Variants in TXNDC11 observed in about 807,000 individuals in gnomAD.
TXNDC11 encodes thioredoxin domain containing 11.
Under a neutral mutation model 78.0 loss-of-function variants are expected in TXNDC11, and 68 were observed. The ratio of observed to expected loss-of-function variants is 0.87; its 90% CI spans 0.72 to 1.07. The LOEUF is 1.07. Among genes scored for constraint, TXNDC11 ranks in the 50% least tolerant of loss-of-function variants. TXNDC11 has a pLI of 0.00. For synonymous variants in TXNDC11, 571 were observed against 495.2 expected (o/e 1.15, Z -2.03); for missense variants, 1,389 against 1,221.8 (o/e 1.14, Z -2.04).
Position 11,698,141 on chromosome 16 carries a change from T to C in TXNDC11, c.1091A>G (p.His364Arg), listed in dbSNP as rs774450928. 6.2e-7 allele frequency: 1 copy of C among 1,614,226 alleles called. No homozygotes were observed. Among genetic ancestry groups the C allele is most frequent in the South Asian group, 1.1e-5 (1 of 91,082 alleles). ...AGCTCTTACCTCGTCTATTAAAGGA[T>C]GACTTTCGGCCAGGGGATTAAAAGG... ...FIPFNPLAES[H>R]PLIDEITEVA... Residue 364 changes from histidine (H) to arginine (R), a missense_variant, in exon 7 of 12, where the codon CAT (histidine) becomes CGT (arginine). Coordinates refer to ENST00000283033, the MANE Select transcript of TXNDC11 (RefSeq NM_015914.7).
intron 4 of TXNDC11, among the ~76,000 whole-genome samples, chr16:11,724,600 T>C (rs2051818241): frequency 1.3e-5 from 2 of 152,090 alleles, no homozygotes; most frequent in South Asian, 2.1e-4. Context: ...CTCATCTCTA[T>C]AAAATAAAAA....
At chr16:11,736,882 T>A (rs1211621471) in intron 1 of TXNDC11, among the ~76,000 whole-genome samples, 1 of 151,746 alleles carries the variant, frequency 6.6e-6, no homozygotes, top group African/African-American at 2.4e-5. Flanking sequence ...AAGAAACAGA[T>A]CAGGAGGAAA....
intron 9 of TXNDC11, 44 bp from the exon 10 acceptor site, chr16:11,688,010 G>T: frequency 7.1e-7 from 1 of 1,401,830 alleles, no homozygotes; most frequent in Non-Finnish European, 1.0e-6. Context: ...CGGGAAATGG[G>T]CTCTTCTTCA....
intron 6 of TXNDC11, among the ~76,000 whole-genome samples, chr16:11,699,604 G>T (rs943084378): frequency 6.6e-6 from 1 of 152,250 alleles, no homozygotes; most frequent in Non-Finnish European, 1.5e-5. Context: ...ACAGCATCTG[G>T]GCTACGAGAG....
At chr16:11,711,229 G>T (rs2051344944) in intron 5 of TXNDC11, among the ~76,000 whole-genome samples, 1 of 152,210 alleles carries the variant, frequency 6.6e-6, no homozygotes, top group African/African-American at 2.4e-5. Flanking sequence ...AACAGAGTAA[G>T]GGTGGAGTGA....
intron 4 of TXNDC11, among the ~76,000 whole-genome samples, chr16:11,724,041 C>A (rs957092115): frequency 6.6e-6 from 1 of 152,282 alleles, no homozygotes; most frequent in Non-Finnish European, 1.5e-5. Flanking sequence ...GCAGCACTCA[C>A]GCCTGTAATC....
chr16:11,699,006 T>C (rs916145952), intron 6 of TXNDC11, among the ~76,000 whole-genome samples: 5 of 152,242 alleles, frequency 3.3e-5, no homozygotes, highest in Non-Finnish European at 5.9e-5. Context: ...AAAATTATTT[T>C]TGAAATTCTA....
chr16:11,693,630 G>T (rs1041423275), intron 7 of TXNDC11, among the ~76,000 whole-genome samples: 3 of 152,150 alleles, frequency 2.0e-5, no homozygotes, highest in Non-Finnish European at 4.4e-5. Context: ...TGTTTCAATA[G>T]TTCTCGGCAT....
chr16:11,738,132 T>C (rs550062778), intron 1 of TXNDC11, among the ~76,000 whole-genome samples: 2 of 152,316 alleles, frequency 1.3e-5, no homozygotes, highest in East Asian at 3.9e-4. Flanking sequence ...CCTATTCATA[T>C]GTACTATAAC....
intron 6 of TXNDC11, 22 bp from the exon 7 acceptor site, chr16:11,698,347 A>G (rs2050916449): frequency 6.2e-7 from 1 of 1,608,220 alleles, no homozygotes; most frequent in Non-Finnish European, 8.5e-7. Context: ...AAAGGCACAG[A>G]GGATAAAGGA....
In TXNDC11 at chr16:11,700,454, G is replaced by A. The variant is rs1282045621; in HGVS notation, c.904C>T (p.Leu302Phe). 1.4e-6 allele frequency: 2 copies of A among 1,430,912 alleles called. No individual in the cohort carries two copies. The allele number at this position is 1,430,912 out of a possible 1,614,324, so 88.6% of individuals were successfully genotyped here. Residue 302 changes from leucine (L) to phenylalanine (F), a missense_variant and splice_region_variant, in exon 6 of 12, where the codon CTT becomes TTT. By Grantham distance (22) the Leu-to-Phe change is conservative (BLOSUM62 0). Coordinates refer to ENST00000283033, the MANE Select transcript of TXNDC11 (RefSeq NM_015914.7). ...VYLHRHFNTS[L>F]VFPREVLNYT... ...AAACGTGATTTCAAAATACTTACAAGTGATGTGTTGAAATGTCTATGTAAA... is the reference window on the plus strand; with the variant it reads ...AAACGTGATTTCAAAATACTTACAAATGATGTGTTGAAATGTCTATGTAAA...
rs137907089 is a variant in TXNDC11 at position 11,693,568 on chromosome 16, C to T, written c.1108-1486G>A. ...AAATAAAAATAAAAAAGTTTTATAA[C>T]GTAATATTTATAGTTAATTCAAAAC... On this transcript the variant is annotated intron_variant, in intron 7 of 11. Transcript: ENST00000283033. Among the ~76,000 whole-genome samples, 666 of 152,126 alleles carry T rather than the reference C, an allele frequency of 4.4e-3. 2 individuals are homozygous for T. The highest frequency in any genetic ancestry group is 5.3e-3 in the Non-Finnish European group (358 of 68,002).
At chr16:11,690,976 G>A in intron 8 of TXNDC11, 1 of 355,604 alleles carries the variant, frequency 2.8e-6, no homozygotes, top group Non-Finnish European at 5.2e-6. Flanking sequence ...TAGTCCCCAA[G>A]TCCCCACTGC....
Position 11,735,936 on chromosome 16 carries a change from G to T in TXNDC11, c.471+81C>A, listed in dbSNP as rs569496805. The stretch of plus-strand genomic sequence containing the variant: ...CACCTTGGCAAAGTCTGCCCGTTGG[G>T]CAAGGTGTCTCTGTGGGGACATCCT... On this transcript the variant is annotated intron_variant, in intron 2 of 11. Transcript: ENST00000283033. The T allele has an allele frequency of 3.3e-4, 461 of 1,403,172 alleles. 7 individuals are homozygous for T. In the South Asian group the frequency reaches 5.2e-3, roughly 16 times the overall value. 86.9% of individuals were successfully genotyped at this position (1,403,172 alleles called of 1,614,324 possible). A position where few individuals can be genotyped will look rare whatever the true frequency, so the allele number is the denominator to read the frequency against.
At chr16:11,680,852 T>C (rs747132053) in intron 11 of TXNDC11, among the ~76,000 whole-genome samples, 1 of 152,150 alleles carries the variant, frequency 6.6e-6, no homozygotes, top group Non-Finnish European at 1.5e-5. Flanking sequence ...ATATAAGCTT[T>C]CTTCAAGTGG....
intron 5 of TXNDC11, among the ~76,000 whole-genome samples, chr16:11,719,237 T>C (rs1020375840): frequency 1.2e-4 from 18 of 152,244 alleles, no homozygotes; most frequent in African/African-American, 4.3e-4. Flanking sequence ...CCCTTTTATA[T>C]AGTCTTCATT....
At chr16:11,700,289 T>C (rs192995751) in intron 6 of TXNDC11, among the ~76,000 whole-genome samples, 163 bp downstream of exon 6, 269 of 152,328 alleles carry the variant, frequency 1.8e-3, no homozygotes, top group African/African-American at 6.1e-3. Flanking sequence ...ACCTGGAGCC[T>C]GGGCTCTAGG....
intron 4 of TXNDC11, among the ~76,000 whole-genome samples, chr16:11,726,897 T>C (rs2051896663): frequency 6.6e-6 from 1 of 151,906 alleles, no homozygotes. Context: ...CTACTAAAAA[T>C]ACAAAAACAG....
At chr16:11,702,201 T>A (rs1335147804) in intron 5 of TXNDC11, among the ~76,000 whole-genome samples, 2 of 151,992 alleles carry the variant, frequency 1.3e-5, no homozygotes, top group African/African-American at 4.8e-5. Context: ...AGAACGAACA[T>A]CAACAGGGAC....
Sources: gnomAD v4.1 joint callset for allele counts (sites outside exome capture counted in the v4.1 genomes callset) on GRCh38, gnomAD v4.1.1 for gene constraint, MANE v1.5 for transcripts, NCBI Gene and HGNC (gene_info 2026-07-23, HGNC 2026-07-21) for gene names.